Variants in ABHD6 observed in about 807,000 individuals in gnomAD.
ABHD6 encodes the protein abhydrolase domain containing 6, acylglycerol lipase, also known as monoacylglycerol lipase ABHD6.
Under a neutral mutation model 38.8 loss-of-function variants are expected in ABHD6, and 33 were observed. The ratio of observed to expected loss-of-function variants is 0.85; its 90% CI spans 0.64 to 1.14. The LOEUF is 1.14. Among genes scored for constraint, ABHD6 ranks in the 50% most tolerant of loss-of-function variants. The pLI, the probability that ABHD6 is intolerant of heterozygous loss-of-function variation, is 0.00. For missense variants in ABHD6, 380 were observed against 422.6 expected (o/e 0.90, Z 0.88); for synonymous variants, 147 against 161.6 (o/e 0.91, Z 0.69).
chr3:58,277,924 G>A (rs1408160519), intron 7 of ABHD6, among the ~76,000 whole-genome samples: 2 of 152,210 alleles, frequency 1.3e-5, no homozygotes, highest in Non-Finnish European at 2.9e-5. Flanking sequence ...ATTGATTTGT[G>A]TATGTTGAAC....
Position 58,251,321 on chromosome 3 carries a change from AAAAAAAGAAAG to A in ABHD6, c.-26+1386_-26+1396del, listed in dbSNP as rs2097429761. Among the ~76,000 whole-genome samples the A allele has an allele frequency of 6.6e-6, 1 of 151,938 alleles. No homozygotes were observed. Among genetic ancestry groups the A allele is most frequent in the African/African-American group, 2.4e-5 (1 of 41,340 alleles). Reference sequence around the variant, plus strand: ...GACAGAGCGAGACTCCATCTAAAAAAAAAAAAGAAAGAAAAAAAGACAGAAATCAGTAAGTC... The same window carrying A: ...GACAGAGCGAGACTCCATCTAAAAAAAAAAAAAGACAGAAATCAGTAAGTC... On this transcript the variant is annotated intron_variant, in intron 2 of 9. Coordinates refer to ENST00000478253, the MANE Select transcript of ABHD6 (RefSeq NM_001320126.2). This position sits in a 1 kb window ranked among gnomAD's most constrained non-coding sequence, Gnocchi z 5.4.
At chr3:58,275,752 C>T (rs138026477) in intron 7 of ABHD6, among the ~76,000 whole-genome samples, 2,039 of 152,248 alleles carry the variant, frequency 0.013, 54 homozygotes, top group African/African-American at 0.046. Context: ...CATCAACTCA[C>T]CATTCACGTT....
Position 58,275,508 on chromosome 3 carries a change from T to C in ABHD6, c.681+693T>C, listed in dbSNP as rs941501199. On this transcript the variant is annotated intron_variant, in intron 7 of 9. Transcript: ENST00000478253. The stretch of plus-strand genomic sequence containing the variant: ...CCACGCCTGGCTAATTTTTCATTTT[T>C]AGTAGAGATGGGGTTTCACCATGTT... 7.2e-5 allele frequency among the ~76,000 whole-genome samples: 11 copies of C among 152,090 alleles called. No individual in the cohort carries two copies. The East Asian group carries it at 1.4e-3, about 19-fold the overall frequency.
rs1020239560 is a variant in ABHD6, at chr3:58,251,146, G to A, written c.-26+1204G>A. On this transcript the variant is annotated intron_variant, in intron 2 of 9. Coordinates refer to ENST00000478253, the MANE Select transcript of ABHD6 (RefSeq NM_001320126.2). The surrounding 1 kb of genome is among the most constrained non-coding windows in gnomAD (Gnocchi z 5.4). ...GACCAGCCCAGCATGGTGAAACCCTGTCTCTACTAAAAAGACAAAAATTAG... is the reference window on the plus strand; with the variant it reads ...GACCAGCCCAGCATGGTGAAACCCTATCTCTACTAAAAAGACAAAAATTAG... Among the ~76,000 whole-genome samples the A allele has an allele frequency of 2.6e-5, 4 of 151,968 alleles. No homozygotes were observed. Among genetic ancestry groups the A allele is most frequent in the Non-Finnish European group, 5.9e-5 (4 of 67,976 alleles).
chr3:58,275,648 T>C lies in ABHD6; in HGVS notation c.681+833T>C, dbSNP rs1332894484. ...GGCTAGGACCCCTTATCCTCTTTTT[T>C]ATTTTTTAAATATACTTTAAGTTCT... On this transcript the variant is annotated intron_variant, in intron 7 of 9. Transcript: ENST00000478253. Among the ~76,000 whole-genome samples, 3 of 152,170 alleles carry C rather than the reference T, an allele frequency of 2.0e-5. No individual in the cohort carries two copies. In the East Asian group the frequency reaches 5.8e-4, roughly 29 times the overall value.
intron 6 of ABHD6, among the ~76,000 whole-genome samples, chr3:58,272,558 T>C (rs1316445423): frequency 6.6e-6 from 1 of 152,232 alleles, no homozygotes; most frequent in Non-Finnish European, 1.5e-5. Flanking sequence ...TCTTCTCCTC[T>C]CTTTTTTCAA....
chr3:58,285,594 T>C lies in ABHD6; in HGVS notation c.837+141T>C. The stretch of plus-strand genomic sequence containing the variant: ...AGAGGGGGAAGGCACCTGTGTTGGG[T>C]GCCAGTGTTGACAGTGGGCAGAGTT... On this transcript the variant is annotated intron_variant, in intron 9 of 9. Coordinates refer to ENST00000478253, the MANE Select transcript of ABHD6 (RefSeq NM_001320126.2). This position sits in a 1 kb window ranked among gnomAD's most constrained non-coding sequence, Gnocchi z 4.9. 1 of 710,998 alleles carries C rather than the reference T, an allele frequency of 1.4e-6. No individual in the cohort carries two copies. The highest frequency in any genetic ancestry group is 1.8e-5 in the South Asian group (1 of 56,942). 44.0% of individuals were successfully genotyped at this position (710,998 alleles called of 1,614,324 possible).
rs2097440666 is a variant in ABHD6 at position 58,266,080 on chromosome 3, CT to C, written c.120-1105del. Reference sequence around the variant, plus strand: ...TACGCTTGCCTTGCTGTAAGAAGAGCTTTTAAGCTAGCCAATGCTATTATGT... The same window carrying C: ...TACGCTTGCCTTGCTGTAAGAAGAGCTTTAAGCTAGCCAATGCTATTATGT... On this transcript the variant is annotated intron_variant, in intron 3 of 9. Coordinates refer to ENST00000478253, the MANE Select transcript of ABHD6 (RefSeq NM_001320126.2). This position sits in a 1 kb window ranked among gnomAD's most constrained non-coding sequence, Gnocchi z 4.0. 6.6e-6 allele frequency among the ~76,000 whole-genome samples: 1 copy of C among 152,216 alleles called. No homozygotes were observed. The highest frequency in any genetic ancestry group is 2.4e-5 in the African/African-American group (1 of 41,446).
Position 58,256,094 on chromosome 3 carries a change from C to CACACACACACAG in ABHD6, c.-25-457_-25-456insGACACACACACA, listed in dbSNP as rs1249331806. ...TCCCACCAACACACACACACACACA[C>CACACACACACAG]ACACACACACACACATACACACACT... On this transcript the variant is annotated intron_variant, in intron 2 of 9. Transcript: ENST00000478253. The surrounding 1 kb of genome is among the most constrained non-coding windows in gnomAD (Gnocchi z 4.3). 2.8e-5 allele frequency among the ~76,000 whole-genome samples: 2 copies of CACACACACACAG among 71,602 alleles called. No individual in the cohort carries two copies. Among genetic ancestry groups the CACACACACACAG allele is most frequent in the African/African-American group, 1.2e-4 (1 of 8,334 alleles). The allele number at this position is 71,602 out of a possible 152,430, so 47.0% of individuals were successfully genotyped here. A position where few individuals can be genotyped will look rare whatever the true frequency, so the allele number is the denominator to read the frequency against.
In ABHD6 at chr3:58,293,498, T is replaced by C; in HGVS notation, c.838-91T>C. 1 of 1,427,792 alleles carries C rather than the reference T, an allele frequency of 7.0e-7. No individual in the cohort carries two copies. The highest frequency in any genetic ancestry group is 9.5e-7 in the Non-Finnish European group (1 of 1,048,426). 88.4% of individuals were successfully genotyped at this position (1,427,792 alleles called of 1,614,324 possible). A position where few individuals can be genotyped will look rare whatever the true frequency, so the allele number is the denominator to read the frequency against. ...CACATCCTCCTGCCCCACTGACCCC[T>C]GCCAGGCCTTGGTGGAAGTTCTGTC... On this transcript the variant is annotated intron_variant, in intron 9 of 9. Coordinates refer to ENST00000478253, the MANE Select transcript of ABHD6 (RefSeq NM_001320126.2). The surrounding 1 kb of genome is among the most constrained non-coding windows in gnomAD (Gnocchi z 4.4).
chr3:58,285,571 A>C lies in ABHD6; in HGVS notation c.837+118A>C. The C allele has an allele frequency of 5.7e-6, 5 of 870,902 alleles. No individual in the cohort carries two copies. The allele number at this position is 870,902 out of a possible 1,614,324, so 53.9% of individuals were successfully genotyped here. A position where few individuals can be genotyped will look rare whatever the true frequency, so the allele number is the denominator to read the frequency against. On this transcript the variant is annotated intron_variant, in intron 9 of 9. Transcript: ENST00000478253. The surrounding 1 kb of genome is among the most constrained non-coding windows in gnomAD (Gnocchi z 4.9). ...TGAGCTGATCGCTGCTGTCAGGAAGAGGGGGAAGGCACCTGTGTTGGGTGC... is the reference window on the plus strand; with the variant it reads ...TGAGCTGATCGCTGCTGTCAGGAAGCGGGGGAAGGCACCTGTGTTGGGTGC...
At chr3:58,258,028 C>T (rs1000394155) in intron 3 of ABHD6, among the ~76,000 whole-genome samples, 1 of 152,240 alleles carries the variant, frequency 6.6e-6, no homozygotes, top group Middle Eastern at 3.4e-3. Context: ...TCAAAAAGTG[C>T]CTGGCGCAGT....
intron 7 of ABHD6, 124 bp from the exon 8 acceptor site, chr3:58,284,961 C>A (rs893437478): frequency 1.2e-6 from 1 of 825,424 alleles, no homozygotes. Context: ...GAGGACCAGG[C>A]TCTAAAGACC....
At chr3:58,249,284 C>T (rs561121333) in intron 1 of ABHD6, among the ~76,000 whole-genome samples, 1 of 152,144 alleles carries the variant, frequency 6.6e-6, no homozygotes, top group African/African-American at 2.4e-5. Flanking sequence ...CCTCCTAGAA[C>T]TTAGATGGTT....
chr3:58,284,891 T>A (rs1317978350), intron 7 of ABHD6, among the ~76,000 whole-genome samples, 194 bp from the exon 8 acceptor site: 1 of 152,120 alleles, frequency 6.6e-6, no homozygotes, highest in Non-Finnish European at 1.5e-5. Context: ...ATAATAATAA[T>A]AAAAAGCTTC....
rs75979498 is a variant in ABHD6 at position 58,246,596 on chromosome 3, G to A, written c.-90-3282G>A. The stretch of plus-strand genomic sequence containing the variant: ...TGGCCAAAGCAGGGAGGGGACTGTG[G>A]GCTGGGCTGGTTCTTTAATGAGAAC... On this transcript the variant is annotated intron_variant, in intron 1 of 9. Transcript: ENST00000478253. Among the ~76,000 whole-genome samples, 1,013 of 152,240 alleles carry A rather than the reference G, an allele frequency of 6.7e-3. 11 individuals carry two copies. The highest frequency in any genetic ancestry group is 0.023 in the African/African-American group (962 of 41,528).
chr3:58,275,802 C>T (rs73079767), intron 7 of ABHD6, among the ~76,000 whole-genome samples: 2 of 151,620 alleles, frequency 1.3e-5, no homozygotes, highest in African/African-American at 2.4e-5. Flanking sequence ...CAGCCCCCTA[C>T]CCCCTGCCTG....
intron 6 of ABHD6, among the ~76,000 whole-genome samples, chr3:58,271,764 C>CTTTTTTTTTT (rs1302501356): frequency 2.6e-5 from 2 of 78,108 alleles, no homozygotes; most frequent in African/African-American, 4.7e-5. Flanking sequence ...CCCCCTCTCT[C>CTTTTTTTTTT]TGTTTTTTTT....
At chr3:58,284,013 G>T (rs943526171) in intron 7 of ABHD6, among the ~76,000 whole-genome samples, 28 of 152,192 alleles carry the variant, frequency 1.8e-4, no homozygotes, top group African/African-American at 6.8e-4. Context: ...CAGTGCACAG[G>T]ACTCCTGAGA....
Sources: gnomAD v4.1 joint callset for allele counts (sites outside exome capture counted in the v4.1 genomes callset) on GRCh38, gnomAD v4.1.1 for gene constraint, Gnocchi (gnomAD v3.1) non-coding constraint, MANE v1.5 for transcripts, NCBI Gene and HGNC (gene_info 2026-07-23, HGNC 2026-07-21) for gene names.